ANKS1B: variants seen among roughly 807,000 people sequenced by gnomAD.
ANKS1B encodes ankyrin repeat and sterile alpha motif domain containing 1B.
A neutral mutation model predicts 148.3 loss-of-function variants in ANKS1B; 36 were observed. The ratio of observed to expected loss-of-function variants is 0.24; its 90% CI spans 0.19 to 0.32. ANKS1B has a LOEUF of 0.32. ANKS1B is among the 10% of genes least tolerant of loss of function. The probability of loss-of-function intolerance (pLI) is 1.00; values close to 1 mark genes in which losing one functional copy is unlikely to be tolerated. For synonymous variants in ANKS1B, 542 were observed against 560.8 expected (o/e 0.97, Z 0.47); for missense variants, 1,157 against 1,542.6 (o/e 0.75, Z 4.19).
At chr12:99,357,782 G>T (rs1235611333) in intron 12 of ANKS1B, among the ~76,000 whole-genome samples, 1 of 152,046 alleles carries the variant, frequency 6.6e-6, no homozygotes, top group African/African-American at 2.4e-5. Context: ...AAACATTTTT[G>T]AGGATCTTGA....
chr12:99,197,807 C>G (rs918538037), intron 14 of ANKS1B, among the ~76,000 whole-genome samples: 5 of 152,080 alleles, frequency 3.3e-5, no homozygotes, highest in Non-Finnish European at 7.4e-5. Flanking sequence ...TTGATTTTAG[C>G]TCAATCAGAC....
At chr12:99,519,411 G>C (rs554473887) in intron 9 of ANKS1B, among the ~76,000 whole-genome samples, 1 of 152,208 alleles carries the variant, frequency 6.6e-6, no homozygotes, top group Admixed American at 6.5e-5. Context: ...ATGGTTGGGT[G>C]CACACATATT....
At chr12:99,977,379 G>A (rs1031667413) in intron 1 of ANKS1B, among the ~76,000 whole-genome samples, 3 of 152,112 alleles carry the variant, frequency 2.0e-5, no homozygotes, top group African/African-American at 7.2e-5. Context: ...TGAACCCCTG[G>A]CCTCAAGTGA....
At chr12:98,933,376 C>A (rs1407822118) in intron 17 of ANKS1B, among the ~76,000 whole-genome samples, 1 of 152,076 alleles carries the variant, frequency 6.6e-6, no homozygotes, top group Non-Finnish European at 1.5e-5. Flanking sequence ...TATGCATACA[C>A]CACATTTTCT....
intron 19 of ANKS1B, among the ~76,000 whole-genome samples, chr12:98,815,911 T>C (rs181835889): frequency 6.6e-6 from 1 of 152,226 alleles, no homozygotes; most frequent in Admixed American, 6.5e-5. Context: ...AAATGACCCA[T>C]CTAAAATGAA....
At chr12:99,247,319 T>C (rs1326872588) in intron 12 of ANKS1B, among the ~76,000 whole-genome samples, 1 of 152,032 alleles carries the variant, frequency 6.6e-6, no homozygotes, top group African/African-American at 2.4e-5. Context: ...TCCCAGCAAA[T>C]AAATTCAAAA....
At chr12:99,873,299 T>C (rs2091731584) in intron 1 of ANKS1B, among the ~76,000 whole-genome samples, 1 of 152,154 alleles carries the variant, frequency 6.6e-6, no homozygotes, top group African/African-American at 2.4e-5. Flanking sequence ...GAAGTAACCT[T>C]GTACTGGGGG....
At chr12:99,158,447 C>T (rs1023896658) in intron 14 of ANKS1B, among the ~76,000 whole-genome samples, 3 of 152,088 alleles carry the variant, frequency 2.0e-5, no homozygotes, top group Non-Finnish European at 4.4e-5. Context: ...GTGGTGAAAA[C>T]AGGAATTTTC....
intron 16 of ANKS1B, among the ~76,000 whole-genome samples, chr12:99,074,201 A>G (rs2153596810): frequency 6.6e-6 from 1 of 152,274 alleles, no homozygotes; most frequent in South Asian, 2.1e-4. Context: ...GGGGATAGCA[A>G]TAGATCAGAA....
At chr12:99,007,055 A>C (rs2099936560) in intron 17 of ANKS1B, among the ~76,000 whole-genome samples, 1 of 122,938 alleles carries the variant, frequency 8.1e-6, no homozygotes, top group Non-Finnish European at 1.8e-5. Flanking sequence ...GATATAATAA[A>C]GCATAAAAAA....
chr12:99,328,671 A>G (rs1376698139), intron 12 of ANKS1B, among the ~76,000 whole-genome samples: 3 of 152,050 alleles, frequency 2.0e-5, no homozygotes, highest in African/African-American at 7.2e-5. Flanking sequence ...ATATAAAAAT[A>G]TATCCAACAT....
In ANKS1B at chr12:98,737,593, T is replaced by G. The variant is rs73378476; in HGVS notation, c.691-1959A>C. Reference sequence around the variant, plus strand: ...ACTTGTTGGATGACTGGAATTCATCTCCTGAGTTCCATGGGATGAATTTGC... The same window carrying G: ...ACTTGTTGGATGACTGGAATTCATCGCCTGAGTTCCATGGGATGAATTTGC... On this transcript the variant is annotated intron_variant, in intron 9 of 9. Transcript: ENST00000341752. Among the ~76,000 whole-genome samples the G allele has an allele frequency of 5.8e-3, 890 of 152,318 alleles. 9 individuals are homozygous for G. Among genetic ancestry groups the G allele is most frequent in the African/African-American group, 0.021 (853 of 41,572 alleles).
rs555987359 is a variant in ANKS1B, at chr12:98,882,481, A to G, written c.2779-50345T>C. Among the ~76,000 whole-genome samples the G allele has an allele frequency of 1.2e-4, 18 of 152,294 alleles. No homozygotes were observed. The East Asian group carries it at 3.1e-3, about 26-fold the overall frequency. On this transcript the variant is annotated intron_variant, in intron 17 of 26. Coordinates refer to ENST00000683438, the MANE Select transcript of ANKS1B (RefSeq NM_001352186.2). Reference sequence around the variant, plus strand: ...AGATTATCAAATAAACAATCTAGCTATTGCTGCTTTGCTAGAAAAATGATC... The same window carrying G: ...AGATTATCAAATAAACAATCTAGCTGTTGCTGCTTTGCTAGAAAAATGATC...
intron 10 of ANKS1B, among the ~76,000 whole-genome samples, chr12:99,471,847 T>C (rs2096247670): frequency 1.3e-5 from 2 of 152,106 alleles, no homozygotes; most frequent in Admixed American, 1.3e-4. Flanking sequence ...AAAATCATTC[T>C]AATAAAAACA....
chr12:99,327,317 A>G (rs2086601097), intron 12 of ANKS1B, among the ~76,000 whole-genome samples: 1 of 117,640 alleles, frequency 8.5e-6, no homozygotes, highest in Non-Finnish European at 1.6e-5. Flanking sequence ...ATATATTATA[A>G]TTACATATTA....
At chr12:99,932,363 G>T (rs567866528) in intron 1 of ANKS1B, among the ~76,000 whole-genome samples, 8 of 152,176 alleles carry the variant, frequency 5.3e-5, no homozygotes, top group Admixed American at 5.2e-4. Context: ...GTTCTCCATA[G>T]TGGCTCTACT....
Position 99,160,641 on chromosome 12 carries a change from C to A in ANKS1B, c.2420-6246G>T, listed in dbSNP as rs998178252. Among the ~76,000 whole-genome samples, 18 of 152,058 alleles carry A rather than the reference C, an allele frequency of 1.2e-4. 1 individual carries two copies. The highest frequency in any genetic ancestry group is 4.3e-4 in the African/African-American group (18 of 41,398). On this transcript the variant is annotated intron_variant, in intron 14 of 26. Transcript: ENST00000683438. Reference sequence around the variant, plus strand: ...GGGATTACAGGCATGAGCCACCACGCCCAGCCTCTTCTAGGATTCTTATAG... The same window carrying A: ...GGGATTACAGGCATGAGCCACCACGACCAGCCTCTTCTAGGATTCTTATAG...
At chr12:98,898,602 A>G (rs370943775) in intron 17 of ANKS1B, among the ~76,000 whole-genome samples, 45 of 152,278 alleles carry the variant, frequency 3.0e-4, no homozygotes, top group African/African-American at 1.0e-3. Context: ...GTGATGCACC[A>G]GGATATTGAA....
chr12:99,154,710 A>G, intron 14 of ANKS1B: 1 of 1,437,684 alleles, frequency 7.0e-7, no homozygotes, highest in South Asian at 1.5e-5. Flanking sequence ...TCAAGCTGTC[A>G]GCTTGGGCTG....
Sources: allele counts gnomAD v4.1 joint callset (sites outside exome capture counted in the v4.1 genomes callset), GRCh38; gene constraint gnomAD v4.1.1; transcripts MANE v1.5; gene names NCBI Gene and HGNC (gene_info 2026-07-23, HGNC 2026-07-21).